Variants in MAGEC3 observed in about 807,000 individuals in gnomAD.
MAGEC3 encodes melanoma-associated antigen C3.
A neutral mutation model predicts 35.3 loss-of-function variants in MAGEC3; 34 were observed. That is an observed-to-expected ratio of 0.96 (90% CI 0.73 to 1.28). The LOEUF (loss-of-function observed/expected upper bound fraction) is 1.28. Among genes scored for constraint, MAGEC3 ranks in the 50% most tolerant of loss-of-function variants. MAGEC3 has a pLI of 0.00. For synonymous variants in MAGEC3, 202 were observed against 185.6 expected (o/e 1.09, Z -0.72); for missense variants, 561 against 483.6 (o/e 1.16, Z -1.50).
At chrX:141,878,815 G>A (rs1042477611) in intron 2 of MAGEC3, among the ~76,000 whole-genome samples, 3 of 111,953 alleles carry the variant, frequency 2.7e-5, no homozygotes, top group African/African-American at 9.7e-5. Context: ...CATGGAAATG[G>A]GGACCTTGAT....
chrX:141,859,984 G>A (rs2017805387), intron 1 of MAGEC3, among the ~76,000 whole-genome samples: 1 of 112,002 alleles, frequency 8.9e-6, no homozygotes, highest in Non-Finnish European at 1.9e-5. Context: ...TTATCAGGGA[G>A]GACTGGGAAT....
chrX:141,838,448 C>T lies in MAGEC3; in HGVS notation c.123+10C>T. On this transcript the variant is annotated intron_variant, in intron 1 of 7. Transcript: ENST00000298296. ...CCCACCTCAGCCCCAGGTGTGGTAG[C>T]CCATGAATGCTCATGTCTAAGCCCC... 8.3e-7 allele frequency: 1 copy of T among 1,203,986 alleles called. No homozygotes were observed. Among genetic ancestry groups the T allele is most frequent in the Non-Finnish European group, 1.1e-6 (1 of 890,437 alleles).
chrX:141,872,417 G>T (rs1321494511), intron 2 of MAGEC3, among the ~76,000 whole-genome samples: 1 of 110,956 alleles, frequency 9.0e-6, no homozygotes, highest in Non-Finnish European at 1.9e-5. Flanking sequence ...TTTGTTCTAG[G>T]CATCCCCAGA....
rs763775314 is a variant in MAGEC3 at position 141,879,528 on chromosome X, G to A, written c.515+97G>A. ...GGAAGGGGTGGAAAGGGTCGGGGAG[G>A]TAGGCAGGAAGGGGTGGAGGGGGCC... On this transcript the variant is annotated intron_variant, in intron 3 of 7. Transcript: ENST00000298296. 1.4e-5 allele frequency: 14 copies of A among 1,019,219 alleles called. No homozygotes were observed. The Admixed American group carries it at 4.0e-4, about 29-fold the overall frequency. 84.0% of individuals were successfully genotyped at this position (1,019,219 alleles called of 1,213,427 possible).
Position 141,896,949 on chromosome X carries a change from G to T in MAGEC3, c.1191G>T (p.Gln397His). 1 of 1,188,607 alleles carries T rather than the reference G, an allele frequency of 8.4e-7. No homozygotes were observed. The highest frequency in any genetic ancestry group is 3.1e-5 in the East Asian group (1 of 32,400). Residue 397 changes from glutamine to histidine, a missense_variant, in exon 7 of 8, where the codon CAG becomes CAT. By Grantham distance (24) the Gln-to-His change is conservative. Coordinates refer to ENST00000298296, the MANE Select transcript of MAGEC3 (RefSeq NM_138702.1). ...AGAGTCCTCCTGAGATTCCTCCCCA[G>T]GGTCCTCCCAAGATCTCTCCCCAGG... ...LPQSPPEIPPQGPPKISPQGP... is the reference protein window; with the variant it reads ...LPQSPPEIPPHGPPKISPQGP...
chrX:141,895,123 G>A, intron 4 of MAGEC3, 146 bp from the exon 5 acceptor site: 1 of 584,101 alleles, frequency 1.7e-6, no homozygotes, highest in Non-Finnish European at 2.6e-6. Flanking sequence ...TAGGGAGGTG[G>A]GCACAAAGGG....
At chrX:141,840,113 TA>T in intron 1 of MAGEC3, 1 of 537,285 alleles carries the variant, frequency 1.9e-6, no homozygotes, top group Non-Finnish European at 2.3e-6. Flanking sequence ...CTATAGCTGT[TA>T]AATGATTGGC....
intron 1 of MAGEC3, among the ~76,000 whole-genome samples, chrX:141,854,315 G>A (rs184240770): frequency 1.8e-5 from 2 of 111,170 alleles, no homozygotes; most frequent in African/African-American, 6.5e-5. Flanking sequence ...GATGGGAGTG[G>A]TCAAGAAAAC....
In MAGEC3 at chrX:141,879,357, G is replaced by A. The variant is rs1352884487; in HGVS notation, c.441G>A (p.Arg147=). 1 of 1,196,324 alleles carries A rather than the reference G, an allele frequency of 8.4e-7. No individual in the cohort carries two copies. ...LWKDSDLPTW[R]RGTGYTLSLP... ...AGGACAGTGACCTTCCAACATGGAG[G>A]AGAGGCACAGGCTACACCCTTTCCC... The change falls in exon 3 of 8, where the codon AGG becomes AGA. Residue 147 remains arginine (R), a synonymous_variant. Transcript: ENST00000298296.
intron 1 of MAGEC3, among the ~76,000 whole-genome samples, chrX:141,843,621 C>G (rs190494360): frequency 2.4e-3 from 263 of 110,685 alleles, no homozygotes; most frequent in Middle Eastern, 4.7e-3. Flanking sequence ...GAAGAAATAT[C>G]AGACATTCTC....
intron 4 of MAGEC3, among the ~76,000 whole-genome samples, chrX:141,886,824 G>A (rs954627850): frequency 5.4e-5 from 6 of 111,539 alleles, no homozygotes; most frequent in African/African-American, 2.0e-4. Flanking sequence ...AGGCCAAGTG[G>A]AAGATATTAG....
intron 2 of MAGEC3, among the ~76,000 whole-genome samples, chrX:141,869,304 A>G (rs1186038383): frequency 8.9e-6 from 1 of 112,020 alleles, no homozygotes; most frequent in Non-Finnish European, 1.9e-5. Flanking sequence ...TGCTTATGCA[A>G]ACAACTATAT....
intron 2 of MAGEC3, among the ~76,000 whole-genome samples, chrX:141,875,839 G>A (rs1431802904): frequency 1.8e-5 from 2 of 112,001 alleles, no homozygotes; most frequent in Non-Finnish European, 3.8e-5. Context: ...TTCCTTGTCT[G>A]TGGGTTTCCA....
chrX:141,879,195 G>A lies in MAGEC3; in HGVS notation c.279G>A (p.Gly93=), dbSNP rs376800695. Residue 93 remains glycine, a synonymous_variant, in exon 3 of 8, where the codon GGG becomes GGA. Transcript: ENST00000298296. The part of the protein sequence containing the change: ...TYFKLWRTLS[G]SPGLQLSDLH... ...GCCAGCTCTGGAGGACCCTATCAGG[G>A]TCCCCAGGTTTACAACTTTCTGACT... 1.5e-5 allele frequency: 18 copies of A among 1,192,391 alleles called. No individual in the cohort carries two copies. In the African/African-American group the frequency reaches 3.2e-4, roughly 21 times the overall value.
intron 4 of MAGEC3, among the ~76,000 whole-genome samples, chrX:141,887,335 T>C (rs2018009977): frequency 8.9e-6 from 1 of 112,439 alleles, no homozygotes; most frequent in South Asian, 3.7e-4. Context: ...GATGACATTA[T>C]GCCGATTGGA....
At chrX:141,893,676 CTGTGT>C (rs2018060403) in intron 4 of MAGEC3, among the ~76,000 whole-genome samples, 1 of 74,261 alleles carries the variant, frequency 1.3e-5, no homozygotes, top group African/African-American at 6.5e-5. Flanking sequence ...GTGTGTGTGT[CTGTGT>C]GCGTGCATAG....
At chrX:141,871,011 G>T (rs2017883919) in intron 2 of MAGEC3, among the ~76,000 whole-genome samples, 1 of 112,428 alleles carries the variant, frequency 8.9e-6, no homozygotes, top group African/African-American at 3.2e-5. Flanking sequence ...AAATATTAAA[G>T]TTAGGTGAAC....
chrX:141,877,336 A>G (rs1387205529), intron 2 of MAGEC3, among the ~76,000 whole-genome samples: 2 of 111,442 alleles, frequency 1.8e-5, no homozygotes, highest in Non-Finnish European at 3.8e-5. Flanking sequence ...TGGTTAAATT[A>G]TTTTCCTAAG....
At chrX:141,890,579 C>T (rs995813264) in intron 4 of MAGEC3, among the ~76,000 whole-genome samples, 2 of 111,985 alleles carry the variant, frequency 1.8e-5, no homozygotes, top group Non-Finnish European at 3.8e-5. Context: ...CCTGCCAAGA[C>T]ATCTAAAATT....
Sources: allele counts gnomAD v4.1 joint callset (sites outside exome capture counted in the v4.1 genomes callset), GRCh38; gene constraint gnomAD v4.1.1; transcripts MANE v1.5; gene names NCBI Gene and HGNC (gene_info 2026-07-23, HGNC 2026-07-21).